TRPM3: variants seen among roughly 807,000 people sequenced by gnomAD.
TRPM3 encodes the protein transient receptor potential cation channel subfamily M member 3, also known as long transient receptor potential channel 3.
A neutral mutation model predicts 181.2 loss-of-function variants in TRPM3; 77 were observed. That is an observed-to-expected ratio of 0.42 (90% CI 0.35 to 0.51). The LOEUF (loss-of-function observed/expected upper bound fraction) is 0.51, where lower values mean the gene tolerates loss of function less well. Among genes scored for constraint, TRPM3 ranks in the 20% least tolerant of loss-of-function variants. TRPM3 has a pLI of 0.01. For synonymous variants in TRPM3, 745 were observed against 796.4 expected, an observed-to-expected ratio of 0.94 and a Z score of 1.09; for missense variants, 1,759 against 2,196.7, an observed-to-expected ratio of 0.80 and a Z score of 3.98.
chr9:71,425,704 A>G (rs2131578525), intron 1 of TRPM3, among the ~76,000 whole-genome samples: 1 of 152,230 alleles, frequency 6.6e-6, no homozygotes, highest in East Asian at 1.9e-4. Context: ...ATCAGCTCAC[A>G]TCATTTTCCT....
intron 1 of TRPM3, among the ~76,000 whole-genome samples, chr9:71,029,655 T>C (rs1386694245): frequency 6.6e-6 from 1 of 152,212 alleles, no homozygotes; most frequent in East Asian, 1.9e-4. Flanking sequence ...AGTACATATG[T>C]TCTTGAGAGT....
At chr9:71,128,040 G>C (rs1193269241) in intron 1 of TRPM3, among the ~76,000 whole-genome samples, 2 of 152,082 alleles carry the variant, frequency 1.3e-5, no homozygotes, top group African/African-American at 4.8e-5. Context: ...AGTGATCTAG[G>C]AAAAGCAAAG....
chr9:70,654,883 C>G (rs1273794489), intron 9 of TRPM3, among the ~76,000 whole-genome samples: 1 of 151,476 alleles, frequency 6.6e-6, no homozygotes, highest in Non-Finnish European at 1.5e-5. Context: ...TGGGGTTTCA[C>G]TGTGTTACCC....
chr9:71,276,397 G>GT (rs2132161279), intron 1 of TRPM3, among the ~76,000 whole-genome samples: 1 of 152,136 alleles, frequency 6.6e-6, no homozygotes, highest in South Asian at 2.1e-4. Flanking sequence ...CCATCAGGGA[G>GT]TAAAAATTTA....
At chr9:71,208,180 A>G (rs1288181925) in intron 1 of TRPM3, among the ~76,000 whole-genome samples, 1 of 152,098 alleles carries the variant, frequency 6.6e-6, no homozygotes, top group African/African-American at 2.4e-5. Flanking sequence ...CTGTTTACCT[A>G]TTCATCTGTA....
chr9:71,282,102 A>AAAG (rs1565417817), intron 1 of TRPM3, among the ~76,000 whole-genome samples: 97 of 59,676 alleles, frequency 1.6e-3, no homozygotes, highest in East Asian at 2.6e-3. Context: ...AGAAAGAAAG[A>AAAG]AAAGAAAGAA....
At chr9:71,029,164 C>T (rs963147016) in intron 1 of TRPM3, among the ~76,000 whole-genome samples, 4 of 151,840 alleles carry the variant, frequency 2.6e-5, no homozygotes, top group Admixed American at 1.3e-4. Flanking sequence ...TTAATGAGAA[C>T]GAAGATACAT....
rs574798891 is a variant in TRPM3 at position 70,866,962 on chromosome 9, T to C, written c.178-2451A>G. Among the ~76,000 whole-genome samples the C allele has an allele frequency of 2.6e-5, 4 of 152,160 alleles. No individual in the cohort carries two copies. In the East Asian group the frequency reaches 5.8e-4, roughly 22 times the overall value. ...TCACACTCTTACCCACTCTGCTAAATTGCCATTAAAACATTAGATGTTATT... is the reference window on the plus strand; with the variant it reads ...TCACACTCTTACCCACTCTGCTAAACTGCCATTAAAACATTAGATGTTATT... On this transcript the variant is annotated intron_variant, in intron 1 of 25. Transcript: ENST00000677713.
chr9:71,103,242 C>G (rs2068736398), intron 1 of TRPM3, among the ~76,000 whole-genome samples: 1 of 151,902 alleles, frequency 6.6e-6, no homozygotes, highest in Non-Finnish European at 1.5e-5. Flanking sequence ...TGATTACAAC[C>G]AAAGTAAATA....
intron 1 of TRPM3, among the ~76,000 whole-genome samples, chr9:71,425,788 C>A (rs1166589444): frequency 6.6e-6 from 1 of 152,146 alleles, no homozygotes; most frequent in Non-Finnish European, 1.5e-5. Context: ...GGGTACTATA[C>A]AATCTGGCCC....
chr9:71,335,681 TA>T (rs2090504437), intron 1 of TRPM3, among the ~76,000 whole-genome samples: 1 of 152,192 alleles, frequency 6.6e-6, no homozygotes. Context: ...ATAACCTTTT[TA>T]AAAGGAGTTA....
chr9:71,235,414 C>G (rs1434863014), intron 1 of TRPM3, among the ~76,000 whole-genome samples: 1 of 152,204 alleles, frequency 6.6e-6, no homozygotes, highest in African/African-American at 2.4e-5. Flanking sequence ...GGCCCATGAT[C>G]ATGGAGACTT....
intron 1 of TRPM3, among the ~76,000 whole-genome samples, chr9:71,168,898 T>C (rs2076696819): frequency 6.6e-6 from 1 of 152,124 alleles, no homozygotes. Flanking sequence ...AAGAAGAAGC[T>C]AGCTTCCAGA....
intron 1 of TRPM3, among the ~76,000 whole-genome samples, chr9:71,051,736 T>A (rs181805501): frequency 9.0e-4 from 137 of 152,284 alleles, no homozygotes; most frequent in African/African-American, 2.8e-3. Context: ...TTCAGTTTCA[T>A]CATCTAGGGG....
intron 25 of TRPM3, among the ~76,000 whole-genome samples, chr9:70,548,984 C>T (rs934595996): frequency 3.9e-5 from 6 of 151,964 alleles, no homozygotes; most frequent in African/African-American, 1.5e-4. Flanking sequence ...GAAAAATCTG[C>T]TTTTATTATT....
chr9:70,617,289 G>A (rs1400346999), intron 17 of TRPM3, among the ~76,000 whole-genome samples: 1 of 152,142 alleles, frequency 6.6e-6, no homozygotes, highest in Non-Finnish European at 1.5e-5. Flanking sequence ...GTGTGGCTAT[G>A]GAGTGCCCAT....
intron 1 of TRPM3, among the ~76,000 whole-genome samples, chr9:71,080,237 G>A (rs946944701): frequency 2.6e-4 from 39 of 149,172 alleles, no homozygotes; most frequent in Admixed American, 1.5e-3. Context: ...TGTTCTCTAC[G>A]ATTCCCAGTC....
At chr9:70,985,252 G>A (rs1455581780) in intron 1 of TRPM3, among the ~76,000 whole-genome samples, 3 of 152,194 alleles carry the variant, frequency 2.0e-5, no homozygotes, top group South Asian at 2.1e-4. Flanking sequence ...GATCTCTGCT[G>A]GAAGGTGTCT....
intron 1 of TRPM3, among the ~76,000 whole-genome samples, chr9:71,119,841 A>T (rs1385776639): frequency 2.0e-5 from 3 of 152,118 alleles, no homozygotes; most frequent in Non-Finnish European, 4.4e-5. Context: ...ACACAGCAAA[A>T]ACACACATAT....
Sources: gnomAD v4.1 joint callset for allele counts (sites outside exome capture counted in the v4.1 genomes callset) on GRCh38, gnomAD v4.1.1 for gene constraint, MANE v1.5 for transcripts, NCBI Gene and HGNC (gene_info 2026-07-23, HGNC 2026-07-21) for gene names.